Variants in ZFP90 observed in about 807,000 individuals in gnomAD.
ZFP90 encodes ZFP90 zinc finger protein.
A neutral mutation model predicts 60.8 loss-of-function variants in ZFP90; 38 were observed. The ratio of observed to expected loss-of-function variants is 0.62; its 90% CI spans 0.48 to 0.82. ZFP90 has a LOEUF of 0.82. ZFP90 is among the 40% of genes least tolerant of loss of function. The pLI is 0.00. For synonymous variants in ZFP90, 287 were observed against 264.8 expected, an observed-to-expected ratio of 1.08 and a Z score of -0.82; for missense variants, 711 against 759.1, an observed-to-expected ratio of 0.94 and a Z score of 0.74.
At chr16:68,557,430 A>G (rs1489100448) in intron 2 of ZFP90, 7 of 360,106 alleles carry the variant, frequency 1.9e-5, no homozygotes, top group South Asian at 1.0e-4. Flanking sequence ...TTATTCCACT[A>G]TGCAAAGATC....
At chr16:68,567,776 A>C (rs1199403452), downstream of ZFP90, among the ~76,000 whole-genome samples, 1 of 152,194 alleles carries the variant, frequency 6.6e-6, no homozygotes, top group Non-Finnish European at 1.5e-5. Context: ...CTTGCATTAA[A>C]GAAACCTAAA....
At chr16:68,538,717 A>AAC (rs1178219788), upstream of ZFP90, among the ~76,000 whole-genome samples, 1 of 151,676 alleles carries the variant, frequency 6.6e-6, no homozygotes, top group Non-Finnish European at 1.5e-5. Context: ...AAAAAAAAAA[A>AAC]AGAAAATTTC....
At chr16:68,541,154 A>T (rs1010481613) in intron 2 of ZFP90, among the ~76,000 whole-genome samples, 8 of 150,616 alleles carry the variant, frequency 5.3e-5, no homozygotes, top group Non-Finnish European at 7.4e-5. Flanking sequence ...TCCTGCCTCA[A>T]CCTCCCTAGT....
chr16:68,564,568 C>T lies in ZFP90; in HGVS notation c.1781C>T (p.Thr594Ile). The change falls in exon 5 of 5, where the codon ACC (threonine) becomes ATC (isoleucine). Residue 594 changes from threonine to isoleucine, a missense_variant. Physicochemically the swap from Thr to Ile is moderately conservative, Grantham distance 89. Transcript: ENST00000563169. ...TGTGGGAGAGCCTTCCGAAAAAAAACCAACCTGCATGATCATCAGAGAATT... is the reference window on the plus strand; with the variant it reads ...TGTGGGAGAGCCTTCCGAAAAAAAATCAACCTGCATGATCATCAGAGAATT... Reference protein sequence around the residue: ...NECGRAFRKKTNLHDHQRIHT... With the variant: ...NECGRAFRKKINLHDHQRIHT... 1.2e-6 allele frequency: 2 copies of T among 1,613,908 alleles called. No individual in the cohort carries two copies. Among genetic ancestry groups the T allele is most frequent in the South Asian group, 1.1e-5 (1 of 91,050 alleles).
rs146153634 is a variant in ZFP90 at position 68,550,374 on chromosome 16, C to T, written c.34-7624C>T. On this transcript the variant is annotated intron_variant, in intron 2 of 4. Coordinates refer to ENST00000563169, the MANE Select transcript of ZFP90 (RefSeq NM_001305203.2). ...TCCTGGGTTCAAGCCATTCTCCTGC[C>T]TCAGCCTCCTGGGATTACAGGCATG... Among the ~76,000 whole-genome samples, 34 of 152,292 alleles carry T rather than the reference C, an allele frequency of 2.2e-4. 1 individual carries two copies. In the East Asian group the frequency reaches 3.9e-3, roughly 17 times the overall value.
chr16:68,575,535 C>CA (rs34872149), intron 2 of ZFP90, among the ~76,000 whole-genome samples: 3,516 of 82,228 alleles, frequency 0.043, 299 homozygotes, highest in African/African-American at 0.11. Flanking sequence ...TGTGAGTATG[C>CA]AAAAAAAAAA....
At chr16:68,575,666 C>T (rs1019931150) in intron 2 of ZFP90, 1 of 386,390 alleles carries the variant, frequency 2.6e-6, no homozygotes, top group Non-Finnish European at 4.6e-6. Context: ...CAGAGGAAAG[C>T]ATGCCAGATG....
upstream of ZFP90, among the ~76,000 whole-genome samples, chr16:68,534,749 C>CA (rs2090948888): frequency 6.6e-6 from 1 of 151,468 alleles, no homozygotes; most frequent in Admixed American, 6.6e-5. Flanking sequence ...ACTAAAAATA[C>CA]AAAACATTAG....
At position 68,566,125 on chromosome 16, in the gene ZFP90, A is replaced by C. The variant is rs993937762; in HGVS notation, c.*1427A>C. On this transcript the variant is annotated 3_prime_UTR_variant, in exon 5 of 5. Transcript: ENST00000563169. ...TCCAGCCTGAGCAACAGAGCAAGAC[A>C]CACACACATCAATTTATTTTAGTTG... is the stretch of plus-strand genomic sequence containing the variant. The C allele has an allele frequency of 1.0e-5, 10 of 984,848 alleles. No homozygotes were observed. Among genetic ancestry groups the C allele is most frequent in the Non-Finnish European group, 1.2e-5 (10 of 829,756 alleles). The allele number at this position is 984,848 out of a possible 1,614,324, so 61.0% of individuals were successfully genotyped here.
At chr16:68,534,704 G>C (rs1339576931), upstream of ZFP90, among the ~76,000 whole-genome samples, 1 of 151,000 alleles carries the variant, frequency 6.6e-6, no homozygotes, top group Admixed American at 6.6e-5. Context: ...AGGAGATCGA[G>C]ACCATCCTGG....
chr16:68,566,027 A>G lies in ZFP90; in HGVS notation c.*1329A>G. ...CATGCAGTGGTAGTCCCAGCTACTCAGGAGGCTGAGGTGGGAGGATCACTG... is the reference window on the plus strand; with the variant it reads ...CATGCAGTGGTAGTCCCAGCTACTCGGGAGGCTGAGGTGGGAGGATCACTG... On this transcript the variant is annotated 3_prime_UTR_variant, in exon 5 of 5. Transcript: ENST00000563169. The G allele has an allele frequency of 1.2e-6, 1 of 827,596 alleles. No homozygotes were observed. Among genetic ancestry groups the G allele is most frequent in the Non-Finnish European group, 1.5e-6 (1 of 686,134 alleles). 51.3% of individuals were successfully genotyped at this position (827,596 alleles called of 1,614,324 possible).
chr16:68,534,017 T>C (rs1050442241), intron 2 of ZFP90, among the ~76,000 whole-genome samples: 1 of 152,138 alleles, frequency 6.6e-6, no homozygotes, highest in African/African-American at 2.4e-5. Flanking sequence ...TTTCAGCCTT[T>C]ATCTTCTCAA....
At chr16:68,554,530 A>G (rs1170501639) in intron 2 of ZFP90, among the ~76,000 whole-genome samples, 3 of 152,200 alleles carry the variant, frequency 2.0e-5, no homozygotes, top group African/African-American at 7.2e-5. Context: ...TGGGATCAAG[A>G]GTTAAAGAAC....
At chr16:68,574,246 A>G (rs2091582145) in intron 2 of ZFP90, 1 of 149,430 alleles carries the variant, frequency 6.7e-6, no homozygotes, top group Non-Finnish European at 1.5e-5. Flanking sequence ...AAAAAAAAAA[A>G]AAAAAAAAAG....
At chr16:68,544,345 G>A (rs2091106765) in intron 2 of ZFP90, among the ~76,000 whole-genome samples, 1 of 152,192 alleles carries the variant, frequency 6.6e-6, no homozygotes, top group African/African-American at 2.4e-5. Context: ...TCAGGAGTTT[G>A]AGGCTACAGT....
intron 2 of ZFP90, among the ~76,000 whole-genome samples, chr16:68,534,196 G>T: frequency 1.4e-5 from 2 of 146,412 alleles, no homozygotes. Flanking sequence ...TATTAACCAT[G>T]TGCATTACAT....
At chr16:68,557,371 T>C (rs2091362312) in intron 2 of ZFP90, 1 of 433,096 alleles carries the variant, frequency 2.3e-6, no homozygotes, top group Non-Finnish European at 4.7e-6. Context: ...TGGGTACCTG[T>C]GATACAGGTG....
downstream of ZFP90, among the ~76,000 whole-genome samples, chr16:68,569,954 C>T (rs1042456686): frequency 6.6e-6 from 1 of 151,886 alleles, no homozygotes; most frequent in East Asian, 1.9e-4. Flanking sequence ...CAGTTGTTCT[C>T]TTTCCTGCAT....
chr16:68,554,034 G>A (rs1372533076), intron 2 of ZFP90, among the ~76,000 whole-genome samples: 1 of 152,048 alleles, frequency 6.6e-6, no homozygotes, highest in African/African-American at 2.4e-5. Flanking sequence ...CAGTAGTTCA[G>A]GTAAGAGATG....
Sources: gnomAD v4.1 joint callset for allele counts (sites outside exome capture counted in the v4.1 genomes callset) on GRCh38, gnomAD v4.1.1 for gene constraint, MANE v1.5 for transcripts, NCBI Gene and HGNC (gene_info 2026-07-23, HGNC 2026-07-21) for gene names.